RSPO3: variants seen among roughly 807,000 people sequenced by gnomAD.
The protein encoded by RSPO3 is R-spondin 3.
RSPO3 carries 17 observed loss-of-function variants against 36.5 expected under a neutral mutation model. The ratio of observed to expected loss-of-function variants is 0.47; its 90% CI spans 0.32 to 0.70. The LOEUF (loss-of-function observed/expected upper bound fraction) is 0.70, where lower values mean the gene tolerates loss of function less well. RSPO3 is among the 30% of genes least tolerant of loss of function. The pLI is 0.04. For missense variants in RSPO3, 294 were observed against 322.5 expected (o/e 0.91, Z 0.68); for synonymous variants, 108 against 107.0 (o/e 1.01, Z -0.06).
At chr6:127,156,584 T>C (rs770659690) in intron 4 of RSPO3, among the ~76,000 whole-genome samples, 15 of 152,326 alleles carry the variant, frequency 9.8e-5, no homozygotes, top group Admixed American at 9.8e-4. Context: ...TTTATTAGGT[T>C]ATTTCATTCA....
intron 4 of RSPO3, among the ~76,000 whole-genome samples, chr6:127,190,899 T>C (rs1775396516): frequency 2.0e-5 from 3 of 152,198 alleles, no homozygotes; most frequent in Admixed American, 2.0e-4. Flanking sequence ...TGAATTACAG[T>C]TGTGATTCTA....
At chr6:127,120,904 G>A (rs1773830622) in intron 1 of RSPO3, among the ~76,000 whole-genome samples, 1 of 152,246 alleles carries the variant, frequency 6.6e-6, no homozygotes, top group Non-Finnish European at 1.5e-5. Context: ...GCCCGGACGC[G>A]GAAGGGGAGG....
At chr6:127,151,353 G>A (rs376732878) in intron 3 of RSPO3, among the ~76,000 whole-genome samples, 12 of 151,902 alleles carry the variant, frequency 7.9e-5, no homozygotes, top group South Asian at 6.2e-4. Context: ...TCTTTTAAAC[G>A]TTGTGCAGCT....
intron 4 of RSPO3, among the ~76,000 whole-genome samples, chr6:127,165,068 T>A (rs1774794690): frequency 6.6e-6 from 1 of 152,092 alleles, no homozygotes; most frequent in Non-Finnish European, 1.5e-5. Flanking sequence ...ACTATTCACT[T>A]TTTTGAGTAA....
intron 1 of RSPO3, among the ~76,000 whole-genome samples, chr6:127,147,337 A>C (rs1369198754): frequency 6.6e-6 from 1 of 152,142 alleles, no homozygotes; most frequent in Non-Finnish European, 1.5e-5. Flanking sequence ...CACTGTAAAG[A>C]CAGATTTAAT....
At chr6:127,138,198 C>A (rs1465320283) in intron 1 of RSPO3, among the ~76,000 whole-genome samples, 1 of 151,814 alleles carries the variant, frequency 6.6e-6, no homozygotes, top group Non-Finnish European at 1.5e-5. Flanking sequence ...ATCTTTAGAC[C>A]TTTGGTTTCT....
intron 1 of RSPO3, 57 bp from the exon 2 acceptor site, chr6:127,148,591 T>C: frequency 1.4e-6 from 2 of 1,426,632 alleles, no homozygotes; most frequent in Non-Finnish European, 1.9e-6. Flanking sequence ...CCAGAAAATG[T>C]CATTTTTTTA....
chr6:127,153,140 T>C (rs1312136436), intron 3 of RSPO3, among the ~76,000 whole-genome samples: 1 of 152,132 alleles, frequency 6.6e-6, no homozygotes, highest in South Asian at 2.1e-4. Context: ...GACATGTGCT[T>C]CATTTGCTTC....
chr6:127,177,670 A>C (rs148019786), intron 4 of RSPO3, among the ~76,000 whole-genome samples: 4 of 152,016 alleles, frequency 2.6e-5, no homozygotes, highest in East Asian at 1.9e-4. Context: ...CAAGAATAGA[A>C]GTTTTAAAAT....
At chr6:127,186,327 A>AAT (rs1775293516) in intron 4 of RSPO3, among the ~76,000 whole-genome samples, 1 of 152,164 alleles carries the variant, frequency 6.6e-6, no homozygotes, top group African/African-American at 2.4e-5. Flanking sequence ...GGAAAATTCA[A>AAT]ATACAAGTTT....
chr6:127,191,908 G>A (rs776964729), intron 4 of RSPO3, among the ~76,000 whole-genome samples: 11 of 152,120 alleles, frequency 7.2e-5, no homozygotes, highest in Non-Finnish European at 1.5e-4. Flanking sequence ...AGCTTCTATG[G>A]GTAATATTCT....
chr6:127,189,050 C>G (rs923153139), intron 4 of RSPO3, among the ~76,000 whole-genome samples: 1 of 152,084 alleles, frequency 6.6e-6, no homozygotes, highest in Non-Finnish European at 1.5e-5. Flanking sequence ...AGAAGTTGGC[C>G]TGGTACATAT....
intron 2 of RSPO3, among the ~76,000 whole-genome samples, chr6:127,149,719 AAGC>A (rs1418190502): frequency 6.6e-6 from 1 of 152,044 alleles, no homozygotes; most frequent in Non-Finnish European, 1.5e-5. Flanking sequence ...TGGTTTCAAA[AAGC>A]AGTCTGATCT....
At chr6:127,184,505 G>A (rs1016795284) in intron 4 of RSPO3, among the ~76,000 whole-genome samples, 5 of 151,862 alleles carry the variant, frequency 3.3e-5, no homozygotes, top group East Asian at 3.9e-4. Context: ...TAATGATAAC[G>A]TTAATGTTGG....
chr6:127,129,764 C>G (rs553283401), intron 1 of RSPO3, among the ~76,000 whole-genome samples: 1 of 152,124 alleles, frequency 6.6e-6, no homozygotes, highest in South Asian at 2.1e-4. Flanking sequence ...TGTGAATGTA[C>G]GTGCCCACAT....
chr6:127,155,588 G>C, intron 4 of RSPO3, 150 bp downstream of exon 4: 1 of 758,086 alleles, frequency 1.3e-6, no homozygotes, highest in Non-Finnish European at 2.1e-6. Context: ...GTAAATTACA[G>C]AATATAGATG....
intron 3 of RSPO3, among the ~76,000 whole-genome samples, chr6:127,153,611 A>G (rs1232202569): frequency 6.6e-6 from 1 of 152,048 alleles, no homozygotes; most frequent in Non-Finnish European, 1.5e-5. Flanking sequence ...TTTTTTAAAT[A>G]CGTTTTTCTA....
intron 3 of RSPO3, among the ~76,000 whole-genome samples, chr6:127,151,460 C>T (rs990540603): frequency 1.3e-5 from 2 of 151,962 alleles, no homozygotes; most frequent in African/African-American, 4.8e-5. Flanking sequence ...GCAAGAACTA[C>T]AGGAACCTTT....
rs555852575 is a variant in RSPO3 at position 127,176,701 on chromosome 6, C to T, written c.635-19122C>T. 4.0e-4 allele frequency among the ~76,000 whole-genome samples: 60 copies of T among 151,734 alleles called. 1 individual carries two copies. The highest frequency in any genetic ancestry group is 1.3e-3 in the African/African-American group (55 of 41,468). ...CCAGGGTTTGAACAATGAAAAAGCTCAAGATACACTTTAAGGAAGACATAT... is the reference window on the plus strand; with the variant it reads ...CCAGGGTTTGAACAATGAAAAAGCTTAAGATACACTTTAAGGAAGACATAT... On this transcript the variant is annotated intron_variant, in intron 4 of 4. Transcript: ENST00000356698.
Sources: gnomAD v4.1 joint callset for allele counts (sites outside exome capture counted in the v4.1 genomes callset) on GRCh38, gnomAD v4.1.1 for gene constraint, MANE v1.5 for transcripts, NCBI Gene and HGNC (gene_info 2026-07-23, HGNC 2026-07-21) for gene names.